The following MALT1 variants were observed in gnomAD, a reference collection of about 807,000 sequenced individuals.
MALT1 encodes mucosa-associated lymphoid tissue lymphoma translocation protein 1.
A neutral mutation model predicts 85.5 loss-of-function variants in MALT1; 36 were observed. The observed-to-expected ratio is 0.42, with a 90% CI of 0.32 to 0.56. The LOEUF is 0.56. Among genes scored for constraint, MALT1 ranks in the 20% least tolerant of loss-of-function variants. The pLI, the probability that MALT1 is intolerant of heterozygous loss-of-function variation, is 0.10. For missense variants in MALT1, 716 were observed against 981.6 expected (o/e 0.73, Z 3.62); for synonymous variants, 359 against 361.3 (o/e 0.99, Z 0.07).
intron 10 of MALT1, among the ~76,000 whole-genome samples, chr18:58,731,150 A>T (rs1017586578): frequency 6.6e-6 from 1 of 152,118 alleles, no homozygotes; most frequent in Non-Finnish European, 1.5e-5. Flanking sequence ...ACGGGGTTTC[A>T]CCATGTTGGC....
intron 10 of MALT1, among the ~76,000 whole-genome samples, chr18:58,732,192 T>C (rs1484318063): frequency 6.6e-6 from 1 of 152,098 alleles, no homozygotes; most frequent in East Asian, 1.9e-4. Flanking sequence ...ATCCAGAATA[T>C]TGAGAGAGCA....
intron 14 of MALT1, among the ~76,000 whole-genome samples, chr18:58,742,258 T>G (rs951760269): frequency 2.0e-5 from 3 of 152,172 alleles, no homozygotes; most frequent in African/African-American, 7.2e-5. Flanking sequence ...ATTTAAAAAT[T>G]TTTCTATTTT....
intron 2 of MALT1, among the ~76,000 whole-genome samples, chr18:58,689,141 G>A (rs2054456378): frequency 6.6e-6 from 1 of 150,788 alleles, no homozygotes; most frequent in African/African-American, 2.5e-5. Flanking sequence ...GACAGAGTGA[G>A]ACCCTGTCTC....
rs1453522053 is a variant in MALT1, at chr18:58,751,576, CTTT to C, written c.*3738_*3740del. The stretch of plus-strand genomic sequence containing the variant: ...GAAGAATGATAACAGTTTTGGTCTT[CTTT>C]TTTATCAACCATGCTTTTATTTTAC... On this transcript the variant is annotated 3_prime_UTR_variant, in exon 17 of 17. Coordinates refer to ENST00000649217, the MANE Select transcript of MALT1 (RefSeq NM_006785.4). 9 of 152,186 alleles carry C rather than the reference CTTT, an allele frequency of 5.9e-5. No homozygotes were observed. Among genetic ancestry groups the C allele is most frequent in the Middle Eastern group, 3.4e-3 (1 of 294 alleles). 9.4% of individuals were successfully genotyped at this position (152,186 alleles called of 1,614,324 possible).
At chr18:58,718,534 C>T (rs1602318258) in intron 9 of MALT1, among the ~76,000 whole-genome samples, 1 of 152,254 alleles carries the variant, frequency 6.6e-6, no homozygotes, top group East Asian at 1.9e-4. Context: ...CTAACTAATG[C>T]CTGATGATCT....
intron 15 of MALT1, 138 bp downstream of exon 15, chr18:58,744,633 ACACTGATC>A (rs1197891820): frequency 9.0e-6 from 3 of 331,540 alleles, no homozygotes; most frequent in African/African-American, 6.5e-5. Flanking sequence ...TAGTTTAGTA[ACACTGATC>A]ATAATATTTA....
intron 2 of MALT1, among the ~76,000 whole-genome samples, chr18:58,685,128 T>A (rs2054382689): frequency 6.6e-6 from 1 of 152,156 alleles, no homozygotes. Context: ...TATTCTTGAG[T>A]CTTAGTGAAA....
chr18:58,724,677 TA>T (rs2055028929), intron 10 of MALT1, among the ~76,000 whole-genome samples: 1 of 152,132 alleles, frequency 6.6e-6, no homozygotes, highest in Non-Finnish European at 1.5e-5. Flanking sequence ...AAATATTGTA[TA>T]AAATTACCTT....
chr18:58,674,667 A>G (rs1443302323), intron 1 of MALT1, among the ~76,000 whole-genome samples: 1 of 152,178 alleles, frequency 6.6e-6, no homozygotes, highest in Non-Finnish European at 1.5e-5. Flanking sequence ...AAGTGATTTC[A>G]TGCTGTTGGG....
intron 7 of MALT1, among the ~76,000 whole-genome samples, chr18:58,712,800 G>A (rs527333159): frequency 3.8e-4 from 58 of 152,152 alleles, no homozygotes; most frequent in Middle Eastern, 3.4e-3. Flanking sequence ...AAATATGTAC[G>A]ATTATTATGT....
intron 2 of MALT1, among the ~76,000 whole-genome samples, chr18:58,694,260 A>G (rs888137966): frequency 2.0e-5 from 3 of 152,222 alleles, no homozygotes; most frequent in Non-Finnish European, 4.4e-5. Context: ...TAGGTATACA[A>G]TAAATATTTA....
At chr18:58,726,076 G>A (rs989971629) in intron 10 of MALT1, among the ~76,000 whole-genome samples, 1 of 151,970 alleles carries the variant, frequency 6.6e-6, no homozygotes, top group African/African-American at 2.4e-5. Context: ...AACAAAAACA[G>A]ATCCTTTAGT....
At chr18:58,705,257 G>A (rs565267973) in intron 4 of MALT1, among the ~76,000 whole-genome samples, 3 of 150,460 alleles carry the variant, frequency 2.0e-5, no homozygotes, top group East Asian at 2.0e-4. Flanking sequence ...ATTTTACTTC[G>A]ACATTTACTT....
Position 58,709,849 on chromosome 18 carries a change from T to C in MALT1, c.829-127T>C, listed in dbSNP as rs141711274. The C allele has an allele frequency of 2.7e-3, 1,754 of 658,280 alleles. 2 individuals are homozygous for C. The highest frequency in any genetic ancestry group is 3.6e-3 in the Middle Eastern group (10 of 2,772). The allele number at this position is 658,280 out of a possible 1,614,324, so 40.8% of individuals were successfully genotyped here. ...TATTTAACCTGATGAATGGAGCTAA[T>C]GTAACAAATGTCTAAAGCCTTCTAA... On this transcript the variant is annotated intron_variant, in intron 5 of 16. Coordinates refer to ENST00000649217, the MANE Select transcript of MALT1 (RefSeq NM_006785.4).
chr18:58,748,117 TTGTGACCACTC>T lies in MALT1; in HGVS notation c.*278_*288del, dbSNP rs1405663730. On this transcript the variant is annotated 3_prime_UTR_variant, in exon 17 of 17. Transcript: ENST00000649217. ...ATATGTATATAACAAAATATTTTCA[TTGTGACCACTC>T]TGAAGTAAGAGCAATGGGAATGGCA... The T allele has an allele frequency of 5.3e-6, 2 of 380,074 alleles. No homozygotes were observed. Among genetic ancestry groups the T allele is most frequent in the Non-Finnish European group, 9.6e-6 (2 of 208,104 alleles). 23.5% of individuals were successfully genotyped at this position (380,074 alleles called of 1,614,324 possible).
At chr18:58,682,175 TA>T (rs1340197647) in intron 2 of MALT1, among the ~76,000 whole-genome samples, 1 of 152,192 alleles carries the variant, frequency 6.6e-6, no homozygotes, top group Non-Finnish European at 1.5e-5. Flanking sequence ...TTTCAATATA[TA>T]ACCAGCTTGG....
chr18:58,677,098 C>G (rs187937017), intron 1 of MALT1, among the ~76,000 whole-genome samples: 2 of 152,226 alleles, frequency 1.3e-5, no homozygotes, highest in East Asian at 3.9e-4. Context: ...CACACTCTTA[C>G]AGGAATGTAA....
At chr18:58,684,646 A>G (rs1419498987) in intron 2 of MALT1, among the ~76,000 whole-genome samples, 3 of 151,582 alleles carry the variant, frequency 2.0e-5, no homozygotes, top group Non-Finnish European at 4.4e-5. Context: ...GGGTTTCTCC[A>G]TGTTGATCAG....
At chr18:58,746,894 A>G (rs1431347721) in intron 16 of MALT1, among the ~76,000 whole-genome samples, 1 of 151,886 alleles carries the variant, frequency 6.6e-6, no homozygotes, top group Middle Eastern at 3.2e-3. Context: ...TGCCCAGTTA[A>G]TTTTTTGTAT....
Sources: gnomAD v4.1 joint callset for allele counts (sites outside exome capture counted in the v4.1 genomes callset) on GRCh38, gnomAD v4.1.1 for gene constraint, MANE v1.5 for transcripts, NCBI Gene and HGNC (gene_info 2026-07-23, HGNC 2026-07-21) for gene names.